Variants in ATRNL1 observed in about 807,000 individuals in gnomAD.
ATRNL1 encodes attractin-like protein 1.
ATRNL1 carries 95 observed loss-of-function variants against 182.7 expected under a neutral mutation model. That is an observed-to-expected ratio of 0.52 (90% CI 0.44 to 0.62). ATRNL1 has a LOEUF of 0.62. Ranked by LOEUF, ATRNL1 falls within the 20% of genes least tolerant of loss-of-function variation. The pLI is 0.00. For synonymous variants in ATRNL1, 576 were observed against 568.3 expected, an observed-to-expected ratio of 1.01 and a Z score of -0.19; for missense variants, 1,471 against 1,679.5, an observed-to-expected ratio of 0.88 and a Z score of 2.17.
intron 19 of ATRNL1, among the ~76,000 whole-genome samples, chr10:115,367,514 C>T (rs1554946377): frequency 6.6e-6 from 1 of 151,880 alleles, no homozygotes; most frequent in African/African-American, 2.4e-5. Flanking sequence ...CTTCTTCTCT[C>T]AGCTCGTCAA....
chr10:115,528,073 T>TTACTTCCTTC (rs1565133603), intron 25 of ATRNL1, among the ~76,000 whole-genome samples: 1 of 24,114 alleles, frequency 4.1e-5, no homozygotes, highest in African/African-American at 9.7e-5. Flanking sequence ...TTCCTTCCTT[T>TTACTTCCTTC]CCCTTCTCAT....
chr10:115,586,826 C>T lies in ATRNL1; in HGVS notation c.3795+37290C>T, dbSNP rs868988906. On this transcript the variant is annotated intron_variant, in intron 26 of 28. Transcript: ENST00000355044. ...CTGCATTCCTTTGGAGGAGGAGAGG[C>T]GCTCTGCTTTTTAGAGTTTCCAGTT... 1.9e-4 allele frequency among the ~76,000 whole-genome samples: 21 copies of T among 113,412 alleles called. 1 individual carries two copies. The highest frequency in any genetic ancestry group is 3.3e-4 in the Non-Finnish European group (17 of 50,818). 74.4% of individuals were successfully genotyped at this position (113,412 alleles called of 152,430 possible).
At chr10:115,417,106 T>C (rs1382152260) in intron 20 of ATRNL1, among the ~76,000 whole-genome samples, 1 of 152,212 alleles carries the variant, frequency 6.6e-6, no homozygotes, top group African/African-American at 2.4e-5. Flanking sequence ...ATAGATGCAT[T>C]AATTTTGCTT....
intron 17 of ATRNL1, 55 bp downstream of exon 17, chr10:115,302,098 C>T: frequency 5.7e-6 from 8 of 1,394,970 alleles, no homozygotes; most frequent in African/African-American, 1.5e-5. Flanking sequence ...ATTTACTTTT[C>T]TGTGATGTAA....
chr10:115,693,198 G>A (rs1555048723), intron 26 of ATRNL1, among the ~76,000 whole-genome samples: 2 of 151,940 alleles, frequency 1.3e-5, no homozygotes, highest in Admixed American at 1.3e-4. Flanking sequence ...TATTTAAATG[G>A]CTGAAAGGTA....
At chr10:115,287,996 C>G (rs1554919638) in intron 15 of ATRNL1, among the ~76,000 whole-genome samples, 1 of 144,060 alleles carries the variant, frequency 6.9e-6, no homozygotes, top group Non-Finnish European at 1.5e-5. Flanking sequence ...TTCTGGGCCT[C>G]TCTTATTTTA....
chr10:115,412,915 A>C, intron 20 of ATRNL1, among the ~76,000 whole-genome samples: 1 of 152,180 alleles, frequency 6.6e-6, no homozygotes, highest in East Asian at 1.9e-4. Flanking sequence ...TAGATCCTCC[A>C]TTCTGATTTC....
At chr10:115,855,090 T>TG (rs1951149533) in intron 28 of ATRNL1, among the ~76,000 whole-genome samples, 1 of 152,246 alleles carries the variant, frequency 6.6e-6, no homozygotes, top group Non-Finnish European at 1.5e-5. Context: ...ACTGGCTACA[T>TG]GGGGGTCCTT....
chr10:115,785,761 T>G (rs1358387961), intron 27 of ATRNL1, among the ~76,000 whole-genome samples: 4 of 152,192 alleles, frequency 2.6e-5, no homozygotes, highest in African/African-American at 9.6e-5. Flanking sequence ...AGTTTTTGCC[T>G]CAATTTATCT....
At chr10:115,292,266 G>A (rs1406125435) in intron 15 of ATRNL1, among the ~76,000 whole-genome samples, 1 of 151,522 alleles carries the variant, frequency 6.6e-6, no homozygotes, top group African/African-American at 2.4e-5. Context: ...TCTAGCAAAT[G>A]GTTTATCAGT....
At chr10:115,524,901 C>A (rs1592784467) in intron 25 of ATRNL1, among the ~76,000 whole-genome samples, 1 of 151,992 alleles carries the variant, frequency 6.6e-6, no homozygotes, top group Non-Finnish European at 1.5e-5. Context: ...TCAATTAGGC[C>A]CTCATGTCTA....
intron 27 of ATRNL1, among the ~76,000 whole-genome samples, chr10:115,770,676 G>A (rs1378237528): frequency 6.6e-6 from 1 of 152,052 alleles, no homozygotes; most frequent in African/African-American, 2.4e-5. Flanking sequence ...ATCCACAGAA[G>A]ATATATTCAT....
intron 27 of ATRNL1, among the ~76,000 whole-genome samples, chr10:115,743,308 A>T (rs1195182065): frequency 6.6e-6 from 1 of 151,036 alleles, no homozygotes; most frequent in Non-Finnish European, 1.5e-5. Context: ...TGATACTACC[A>T]TTCCTATCCA....
rs1402639828 is a variant in ATRNL1, at chr10:115,945,481, C to CTGAT, written c.*703_*706dup. On this transcript the variant is annotated 3_prime_UTR_variant, in exon 29 of 29. Coordinates refer to ENST00000355044, the MANE Select transcript of ATRNL1 (RefSeq NM_207303.4). The stretch of plus-strand genomic sequence containing the variant: ...CCAACTACCTAACTCGTTATCAGAG[C>CTGAT]TGATAGAGCATGGAAAAGTCTGTCC... 1 of 152,158 alleles carries CTGAT rather than the reference C, an allele frequency of 6.6e-6. No individual in the cohort carries two copies. Among genetic ancestry groups the CTGAT allele is most frequent in the African/African-American group, 2.4e-5 (1 of 41,448 alleles). 9.4% of individuals were successfully genotyped at this position (152,158 alleles called of 1,614,324 possible).
At chr10:115,726,466 T>A (rs983711921) in intron 26 of ATRNL1, among the ~76,000 whole-genome samples, 1 of 152,230 alleles carries the variant, frequency 6.6e-6, no homozygotes, top group Admixed American at 6.5e-5. Flanking sequence ...TCATCAATTT[T>A]TTTATCATGA....
chr10:115,382,979 T>C (rs1554951634), intron 19 of ATRNL1, among the ~76,000 whole-genome samples: 1 of 152,060 alleles, frequency 6.6e-6, no homozygotes, highest in Non-Finnish European at 1.5e-5. Flanking sequence ...TGTATATTTA[T>C]GCCAGTATCA....
chr10:115,483,061 T>C (rs1554974494), intron 24 of ATRNL1, among the ~76,000 whole-genome samples: 1 of 151,350 alleles, frequency 6.6e-6, no homozygotes, highest in African/African-American at 2.4e-5. Context: ...CTAAAACATT[T>C]TGGTCCTATC....
intron 27 of ATRNL1, among the ~76,000 whole-genome samples, chr10:115,740,821 A>AACACAC (rs1314938267): frequency 0.034 from 1,953 of 57,280 alleles, 36 homozygotes; most frequent in African/African-American, 0.078. Flanking sequence ...TATCTCTTTA[A>AACACAC]ACACACACAC....
Position 115,103,183 on chromosome 10 carries a change from G to A in ATRNL1, c.293+9140G>A, listed in dbSNP as rs868926186. 9.2e-5 allele frequency among the ~76,000 whole-genome samples: 14 copies of A among 151,712 alleles called. No individual in the cohort carries two copies. In the South Asian group the frequency reaches 2.3e-3, roughly 25 times the overall value. ...CTCCTGAGTAGCTGGGATTACGGGCGCCCATCATCACGCCTGGCTGATTTT... is the reference window on the plus strand; with the variant it reads ...CTCCTGAGTAGCTGGGATTACGGGCACCCATCATCACGCCTGGCTGATTTT... On this transcript the variant is annotated intron_variant, in intron 1 of 28. Transcript: ENST00000355044.
Sources: gnomAD v4.1 joint callset for allele counts (sites outside exome capture counted in the v4.1 genomes callset) on GRCh38, gnomAD v4.1.1 for gene constraint, MANE v1.5 for transcripts, NCBI Gene and HGNC (gene_info 2026-07-23, HGNC 2026-07-21) for gene names.